SIPA1L3: variants seen among roughly 807,000 people sequenced by gnomAD.
SIPA1L3 encodes the protein signal-induced proliferation-associated 1-like protein 3.
In SIPA1L3, 59 loss-of-function variants were observed where a neutral mutation model predicts 150.1. The observed-to-expected ratio is 0.39, with a 90% CI of 0.32 to 0.49. The LOEUF (loss-of-function observed/expected upper bound fraction) is 0.49, where lower values mean the gene tolerates loss of function less well. SIPA1L3 is among the 20% of genes least tolerant of loss of function. The pLI is 0.86. For missense variants in SIPA1L3, 2,211 were observed against 2,489.5 expected (o/e 0.89, Z 2.38); for synonymous variants, 1,070 against 1,077.6 (o/e 0.99, Z 0.14).
At chr19:38,001,556 G>A (rs1002130258) in intron 1 of SIPA1L3, among the ~76,000 whole-genome samples, 30 of 152,164 alleles carry the variant, frequency 2.0e-4, no homozygotes, top group Non-Finnish European at 3.8e-4. Context: ...CTCCCAAATA[G>A]CTATGACCAC....
chr19:38,150,926 A>C (rs1159483123), intron 12 of SIPA1L3, among the ~76,000 whole-genome samples: 1 of 152,146 alleles, frequency 6.6e-6, no homozygotes, highest in Admixed American at 6.5e-5. Context: ...GAAGTAACCA[A>C]AATTTGGCTC....
chr19:37,935,102 G>A (rs142218898), intron 1 of SIPA1L3, among the ~76,000 whole-genome samples: 59 of 152,282 alleles, frequency 3.9e-4, no homozygotes, highest in Middle Eastern at 3.4e-3. Flanking sequence ...GTAGTGCAAT[G>A]ATGCCTCTCG....
intron 2 of SIPA1L3, among the ~76,000 whole-genome samples, chr19:38,048,182 T>A (rs1331801379): frequency 1.1e-4 from 16 of 152,198 alleles, no homozygotes; most frequent in Admixed American, 1.0e-3. Flanking sequence ...TGCTTTGTGG[T>A]TCTCAGTCAG....
intron 1 of SIPA1L3, among the ~76,000 whole-genome samples, chr19:38,001,239 A>G (rs995652115): frequency 6.6e-6 from 1 of 151,828 alleles, no homozygotes; most frequent in Non-Finnish European, 1.5e-5. Flanking sequence ...CTTAAGGTGT[A>G]CTTGAGGCCT....
intron 1 of SIPA1L3, chr19:37,963,771 C>T (rs1314792111): frequency 1.3e-5 from 2 of 152,216 alleles, no homozygotes; most frequent in African/African-American, 4.8e-5. Context: ...GAGCTCCTCT[C>T]CACTTCCCCA....
At chr19:38,072,822 A>G (rs1163849684) in intron 2 of SIPA1L3, among the ~76,000 whole-genome samples, 1 of 152,244 alleles carries the variant, frequency 6.6e-6, no homozygotes, top group African/African-American at 2.4e-5. Context: ...GTGTTTCCCT[A>G]TGCTGTGTCC....
intron 2 of SIPA1L3, among the ~76,000 whole-genome samples, chr19:38,076,039 G>T (rs970262238): frequency 4.0e-5 from 6 of 151,648 alleles, no homozygotes; most frequent in Non-Finnish European, 8.8e-5. Flanking sequence ...CACTCCAGAG[G>T]CTGAGGCAGG....
chr19:37,958,322 G>A (rs1443393764), intron 1 of SIPA1L3, among the ~76,000 whole-genome samples: 1 of 152,136 alleles, frequency 6.6e-6, no homozygotes, highest in Non-Finnish European at 1.5e-5. Flanking sequence ...CTACCAGGGA[G>A]GCTGAGGTGG....
chr19:38,055,425 G>A (rs1969293937), intron 2 of SIPA1L3, among the ~76,000 whole-genome samples: 1 of 152,210 alleles, frequency 6.6e-6, no homozygotes, highest in South Asian at 2.1e-4. Context: ...TACAAGAGAA[G>A]GGTAGAAGAG....
chr19:37,966,898 G>A lies in SIPA1L3; in HGVS notation c.-379+59540G>A, dbSNP rs536813819. Among the ~76,000 whole-genome samples the A allele has an allele frequency of 3.7e-4, 57 of 152,278 alleles. 1 individual carries two copies. The highest frequency in any genetic ancestry group is 3.4e-3 in the Middle Eastern group (1 of 294). On this transcript the variant is annotated intron_variant, in intron 1 of 21. Transcript: ENST00000222345. The stretch of plus-strand genomic sequence containing the variant: ...GGTTGGGAACACAGACTTCTGGGGC[G>A]GACAGGCCCAGTTTCCACGGGTGGC...
intron 1 of SIPA1L3, among the ~76,000 whole-genome samples, chr19:38,023,486 A>G (rs1968425798): frequency 6.6e-6 from 1 of 152,236 alleles, no homozygotes; most frequent in Admixed American, 6.5e-5. Context: ...CTCACTTATC[A>G]GCTTTTCTTT....
intron 15 of SIPA1L3, among the ~76,000 whole-genome samples, chr19:38,173,427 T>A (rs1600169333): frequency 6.6e-6 from 1 of 152,264 alleles, no homozygotes; most frequent in South Asian, 2.1e-4. Flanking sequence ...GGCACCGCAG[T>A]GGGCTGAGTG....
At chr19:37,937,067 T>G (rs1195649716) in intron 1 of SIPA1L3, among the ~76,000 whole-genome samples, 1 of 152,230 alleles carries the variant, frequency 6.6e-6, no homozygotes, top group Non-Finnish European at 1.5e-5. Flanking sequence ...CTTGCTATGT[T>G]GCCCAGGCTG....
intron 9 of SIPA1L3, among the ~76,000 whole-genome samples, chr19:38,128,968 G>C (rs1971244905): frequency 6.6e-6 from 1 of 152,174 alleles, no homozygotes; most frequent in African/African-American, 2.4e-5. Flanking sequence ...TGATAGGTAT[G>C]TTACATAGCA....
At chr19:38,145,415 C>G (rs1307922950) in intron 12 of SIPA1L3, among the ~76,000 whole-genome samples, 1 of 151,858 alleles carries the variant, frequency 6.6e-6, no homozygotes, top group Non-Finnish European at 1.5e-5. Flanking sequence ...CGCCTGTAAT[C>G]CCAGCTACTC....
chr19:38,021,703 G>A (rs1032756331), intron 1 of SIPA1L3, among the ~76,000 whole-genome samples: 6 of 152,126 alleles, frequency 3.9e-5, no homozygotes, highest in African/African-American at 1.4e-4. Context: ...CTCCATGCCT[G>A]AGTAATTTTT....
At chr19:38,064,649 A>G (rs1969529549) in intron 2 of SIPA1L3, among the ~76,000 whole-genome samples, 1 of 152,188 alleles carries the variant, frequency 6.6e-6, no homozygotes, top group Non-Finnish European at 1.5e-5. Flanking sequence ...CAGTGAGCCA[A>G]GATCGCGCCA....
rs746248503 is a variant in SIPA1L3 at position 38,082,189 on chromosome 19, C to T, written c.624C>T (p.Ile208=). ...GCGAGTACGGGAGCACCTCGTCCATCGACGTGCAGGGCATGCCCGAGCAGA... is the reference window on the plus strand; with the variant it reads ...GCGAGTACGGGAGCACCTCGTCCATTGACGTGCAGGGCATGCCCGAGCAGA... ...LFREYGSTSS[I]DVQGMPEQSF... The change falls in exon 3 of 22, where the codon ATC becomes ATT. Residue 208 remains isoleucine, a synonymous_variant. Coordinates refer to ENST00000222345, the MANE Select transcript of SIPA1L3 (RefSeq NM_015073.3). 1.2e-6 allele frequency: 2 copies of T among 1,604,114 alleles called. No individual in the cohort carries two copies. The highest frequency in any genetic ancestry group is 4.5e-5 in the East Asian group (2 of 44,866).
At chr19:37,975,987 C>G (rs149435954) in intron 1 of SIPA1L3, among the ~76,000 whole-genome samples, 1 of 151,864 alleles carries the variant, frequency 6.6e-6, no homozygotes, top group Non-Finnish European at 1.5e-5. Context: ...CGCCAGTAAT[C>G]TCAGCTACTT....
Sources: gnomAD v4.1 joint callset for allele counts (sites outside exome capture counted in the v4.1 genomes callset) on GRCh38, gnomAD v4.1.1 for gene constraint, MANE v1.5 for transcripts, NCBI Gene and HGNC (gene_info 2026-07-23, HGNC 2026-07-21) for gene names.